DIAPH3: variants seen among roughly 807,000 people sequenced by gnomAD.
DIAPH3 encodes diaphanous related formin 3.
A neutral mutation model predicts 144.3 loss-of-function variants in DIAPH3; 117 were observed. That is an observed-to-expected ratio of 0.81 (90% CI 0.70 to 0.95). The LOEUF (loss-of-function observed/expected upper bound fraction) is 0.95. Among genes scored for constraint, DIAPH3 ranks in the 40% least tolerant of loss-of-function variants. The probability of loss-of-function intolerance (pLI) is 0.00; values close to 1 mark genes in which losing one functional copy is unlikely to be tolerated. For synonymous variants in DIAPH3, 519 were observed against 488.9 expected, an observed-to-expected ratio of 1.06 and a Z score of -0.81; for missense variants, 1,421 against 1,412.7, an observed-to-expected ratio of 1.01 and a Z score of -0.09.
rs549717900 is a variant in DIAPH3 at position 59,761,495 on chromosome 13, G to A, written c.3319+12694C>T. ...TTGCTCATTTCTATCATTTTTTTTC[G>A]CACATTAAGAATGACAAGGGAAGAA... is the stretch of plus-strand genomic sequence containing the variant. On this transcript the variant is annotated intron_variant, in intron 27 of 27. Coordinates refer to ENST00000400324, the MANE Select transcript of DIAPH3 (RefSeq NM_001042517.2). Among the ~76,000 whole-genome samples, 18 of 151,292 alleles carry A rather than the reference G, an allele frequency of 1.2e-4. No homozygotes were observed. The South Asian group carries it at 2.7e-3, about 23-fold the overall frequency.
chr13:60,014,969 T>TTTTGTTTTGTTTTG (rs1555357128), intron 7 of DIAPH3, among the ~76,000 whole-genome samples: 10 of 147,000 alleles, frequency 6.8e-5, no homozygotes, highest in Non-Finnish European at 1.5e-4. Context: ...TTTTCTAGTT[T>TTTTGTTTTGTTTTG]TTTTGTTTTG....
At chr13:59,840,001 T>C (rs1293564072) in intron 22 of DIAPH3, among the ~76,000 whole-genome samples, 1 of 152,182 alleles carries the variant, frequency 6.6e-6, no homozygotes, top group Non-Finnish European at 1.5e-5. Flanking sequence ...TAATAATATT[T>C]TTCCTTCTTT....
intron 27 of DIAPH3, among the ~76,000 whole-genome samples, chr13:59,722,044 T>G (rs1255235413): frequency 6.6e-6 from 1 of 152,198 alleles, no homozygotes; most frequent in African/African-American, 2.4e-5. Flanking sequence ...CTTTTACACT[T>G]TATATAAAAC....
At chr13:59,892,501 T>G (rs921479306) in intron 20 of DIAPH3, among the ~76,000 whole-genome samples, 2 of 151,954 alleles carry the variant, frequency 1.3e-5, no homozygotes, top group African/African-American at 4.8e-5. Context: ...AAGTCTAGAT[T>G]TATAAAATGA....
At chr13:60,069,979 A>G (rs1287709315) in intron 4 of DIAPH3, among the ~76,000 whole-genome samples, 1 of 152,036 alleles carries the variant, frequency 6.6e-6, no homozygotes, top group Non-Finnish European at 1.5e-5. Context: ...GGCTCACAGA[A>G]TTTATAGAAT....
chr13:59,682,892 AT>A (rs2033017712), intron 27 of DIAPH3, among the ~76,000 whole-genome samples: 1 of 152,212 alleles, frequency 6.6e-6, no homozygotes, highest in South Asian at 2.1e-4. Context: ...AGTGATGACC[AT>A]AAACTATTCA....
At chr13:60,093,791 T>A in intron 3 of DIAPH3, 59 bp from the exon 4 acceptor site, 1 of 1,076,876 alleles carries the variant, frequency 9.3e-7, no homozygotes, top group South Asian at 1.3e-5. Flanking sequence ...CAATTCTACA[T>A]GCACTACAAA....
chr13:60,096,782 T>C (rs1035051279), intron 3 of DIAPH3, among the ~76,000 whole-genome samples: 1 of 152,192 alleles, frequency 6.6e-6, no homozygotes, highest in African/African-American at 2.4e-5. Flanking sequence ...CTTCCCCCAG[T>C]GACACTCTCC....
chr13:59,929,910 A>T (rs905040080), intron 17 of DIAPH3, among the ~76,000 whole-genome samples: 2 of 152,064 alleles, frequency 1.3e-5, no homozygotes, highest in Non-Finnish European at 1.5e-5. Context: ...GCAATCCAAA[A>T]GGTCTAAAAA....
rs546268498 is a variant in DIAPH3 at position 59,813,987 on chromosome 13, G to T, written c.3028-3064C>A. ...TGTATGTATCTATAAGGGAGATGGG[G>T]TAAGAAGATAGGTTGTGATAGAGAA... On this transcript the variant is annotated intron_variant, in intron 24 of 27. Coordinates refer to ENST00000400324, the MANE Select transcript of DIAPH3 (RefSeq NM_001042517.2). 2.2e-3 allele frequency among the ~76,000 whole-genome samples: 331 copies of T among 152,216 alleles called. 2 individuals carry two copies. Among genetic ancestry groups the T allele is most frequent in the Middle Eastern group, 0.014 (4 of 294 alleles).
Position 59,668,824 on chromosome 13 carries a change from C to CAT in DIAPH3, c.3320-1980_3320-1979dup, listed in dbSNP as rs758058274. ...AAATTATTAAAACTATATATATACA[C>CAT]ATATATATATATGTATGTATACACA... is the stretch of plus-strand genomic sequence containing the variant. On this transcript the variant is annotated intron_variant, in intron 27 of 27. Coordinates refer to ENST00000400324, the MANE Select transcript of DIAPH3 (RefSeq NM_001042517.2). 9.9e-3 allele frequency among the ~76,000 whole-genome samples: 1,382 copies of CAT among 139,050 alleles called. 10 individuals are homozygous for CAT. The highest frequency in any genetic ancestry group is 0.032 in the Admixed American group (429 of 13,442). 91.2% of individuals were successfully genotyped at this position (139,050 alleles called of 152,430 possible).
chr13:60,089,872 G>A (rs2057874372), intron 4 of DIAPH3, among the ~76,000 whole-genome samples: 1 of 152,142 alleles, frequency 6.6e-6, no homozygotes, highest in Admixed American at 6.5e-5. Flanking sequence ...TTTCCAGATT[G>A]AATTAGAATT....
chr13:60,035,616 G>C lies in DIAPH3; in HGVS notation c.626+7074C>G, dbSNP rs117588671. 9.2e-3 allele frequency among the ~76,000 whole-genome samples: 1,405 copies of C among 151,998 alleles called. 8 individuals carry two copies. The highest frequency in any genetic ancestry group is 0.022 in the South Asian group (106 of 4,820). ...ACAGCCACATGACTTAAAATTAGAA[G>C]GTATTTTCAACAAATATTTATTTAA... On this transcript the variant is annotated intron_variant, in intron 5 of 27. Transcript: ENST00000400324.
chr13:59,901,864 G>A (rs2046452238), intron 20 of DIAPH3, among the ~76,000 whole-genome samples: 1 of 152,096 alleles, frequency 6.6e-6, no homozygotes, highest in Non-Finnish European at 1.5e-5. Flanking sequence ...CTACCAGGAG[G>A]CATTCCCCAG....
rs539660741 is a variant in DIAPH3, at chr13:59,811,031, G to C, written c.3028-108C>G. The C allele has an allele frequency of 2.8e-6, 3 of 1,058,572 alleles. No homozygotes were observed. In the East Asian group the frequency reaches 7.4e-5, roughly 26 times the overall value. The allele number at this position is 1,058,572 out of a possible 1,614,324, so 65.6% of individuals were successfully genotyped here. On this transcript the variant is annotated intron_variant, in intron 24 of 27. Transcript: ENST00000400324. ...AAGGTAGAAACATGATTATCTTTTA[G>C]ATAATGGTGAGTTATGTTAGTAATA... is the stretch of plus-strand genomic sequence containing the variant.
Position 59,958,837 on chromosome 13 carries a change from T to C in DIAPH3, c.2074+11107A>G, listed in dbSNP as rs186252002. Among the ~76,000 whole-genome samples, 67 of 151,154 alleles carry C rather than the reference T, an allele frequency of 4.4e-4. No individual in the cohort carries two copies. In the East Asian group the frequency reaches 0.011, roughly 25 times the overall value. On this transcript the variant is annotated intron_variant, in intron 17 of 27. Transcript: ENST00000400324. ...GTGGTGACAAAAACATATGTTAATG[T>C]GACTTGATATAGATCTAAACTTCAA...
intron 27 of DIAPH3, among the ~76,000 whole-genome samples, chr13:59,678,438 A>C (rs1162342154): frequency 6.6e-6 from 1 of 152,132 alleles, no homozygotes; most frequent in Non-Finnish European, 1.5e-5. Flanking sequence ...ACTCATCCTT[A>C]TTTCTATTTA....
In DIAPH3 at chr13:60,095,813, G is replaced by C. The variant is rs1207329830; in HGVS notation, c.391-2081C>G. ...GAATCAAACTATTCTGTAAATTATA[G>C]TTACACTCTGCTTTTTTTAAGCTTT... On this transcript the variant is annotated intron_variant, in intron 3 of 27. Transcript: ENST00000400324. 3.3e-5 allele frequency among the ~76,000 whole-genome samples: 5 copies of C among 152,108 alleles called. No homozygotes were observed. The East Asian group carries it at 9.7e-4, about 29-fold the overall frequency.
intron 17 of DIAPH3, among the ~76,000 whole-genome samples, chr13:59,942,546 A>G (rs2048586814): frequency 6.6e-6 from 1 of 152,148 alleles, no homozygotes; most frequent in South Asian, 2.1e-4. Flanking sequence ...TTGTGAAACA[A>G]TTCAAACAAT....
Sources: gnomAD v4.1 joint callset for allele counts (sites outside exome capture counted in the v4.1 genomes callset) on GRCh38, gnomAD v4.1.1 for gene constraint, MANE v1.5 for transcripts, NCBI Gene and HGNC (gene_info 2026-07-23, HGNC 2026-07-21) for gene names.